Variants in PDE11A observed in about 807,000 individuals in gnomAD.
PDE11A encodes dual 3',5'-cyclic-AMP and -GMP phosphodiesterase 11A.
In PDE11A, 100 loss-of-function variants were observed where a neutral mutation model predicts 100.5. The ratio of observed to expected loss-of-function variants is 1.00; its 90% CI spans 0.85 to 1.18. PDE11A has a LOEUF of 1.18. Ranked by LOEUF, PDE11A falls within the 50% of genes most tolerant of loss-of-function variation. The pLI is 0.00. For missense variants in PDE11A, 1,141 were observed against 1,152.6 expected, an observed-to-expected ratio of 0.99 and a Z score of 0.15; for synonymous variants, 381 against 420.8, an observed-to-expected ratio of 0.91 and a Z score of 1.16.
intron 2 of PDE11A, among the ~76,000 whole-genome samples, chr2:178,098,930 A>G (rs1035946109): frequency 2.0e-5 from 3 of 152,214 alleles, no homozygotes; most frequent in African/African-American, 7.2e-5. Context: ...CGATTTCTTT[A>G]AAGGCCCAAG....
At chr2:178,106,738 T>C (rs568318361) in intron 1 of PDE11A, among the ~76,000 whole-genome samples, 7 of 152,004 alleles carry the variant, frequency 4.6e-5, no homozygotes, top group Non-Finnish European at 1.0e-4. Context: ...GGTGGTTGGA[T>C]CACCTGAGGT....
At chr2:177,849,157 G>A (rs916906630) in intron 5 of PDE11A, among the ~76,000 whole-genome samples, 2 of 152,166 alleles carry the variant, frequency 1.3e-5, no homozygotes, top group East Asian at 1.9e-4. Context: ...GTTGAAAGAA[G>A]CTGGCACATG....
chr2:178,019,137 T>A (rs1305550060), intron 1 of PDE11A, among the ~76,000 whole-genome samples: 2 of 152,212 alleles, frequency 1.3e-5, no homozygotes, highest in Non-Finnish European at 2.9e-5. Flanking sequence ...AATATTTAAT[T>A]TTTGAAAATT....
chr2:178,024,286 C>T (rs1281438569), intron 1 of PDE11A, among the ~76,000 whole-genome samples: 2 of 152,110 alleles, frequency 1.3e-5, no homozygotes, highest in Admixed American at 6.5e-5. Context: ...GTGGTGCACA[C>T]CTGTAATCCC....
chr2:178,043,378 C>A (rs1559052260), intron 1 of PDE11A, among the ~76,000 whole-genome samples: 3 of 152,116 alleles, frequency 2.0e-5, no homozygotes, highest in Admixed American at 2.0e-4. Flanking sequence ...AAAGACAGAT[C>A]AAGGTTCTTC....
chr2:178,064,041 A>T (rs1290122660), intron 1 of PDE11A, among the ~76,000 whole-genome samples: 3 of 152,166 alleles, frequency 2.0e-5, no homozygotes, highest in Non-Finnish European at 4.4e-5. Context: ...CCATTATCTC[A>T]TTGCCATCTA....
intron 19 of PDE11A, among the ~76,000 whole-genome samples, chr2:177,652,425 C>T (rs1444941560): frequency 1.3e-5 from 2 of 152,042 alleles, no homozygotes; most frequent in African/African-American, 4.8e-5. Flanking sequence ...GAACATTTAG[C>T]TTATGGCAAG....
At chr2:177,720,602 G>A (rs969768911) in intron 12 of PDE11A, among the ~76,000 whole-genome samples, 2 of 152,136 alleles carry the variant, frequency 1.3e-5, no homozygotes, top group African/African-American at 4.8e-5. Context: ...AGCTGATAGG[G>A]AATCACCATC....
Position 177,703,904 on chromosome 2 carries a change from A to G in PDE11A, c.2154-2693T>C, listed in dbSNP as rs1306741104. Among the ~76,000 whole-genome samples the G allele has an allele frequency of 3.9e-5, 6 of 152,230 alleles. No individual in the cohort carries two copies. The South Asian group carries it at 6.2e-4, about 16-fold the overall frequency. ...ATATGTCTCCGATCTGGTGTGTTCT[A>G]TCTCCCAGTATTTGTGCAAAGGCAG... On this transcript the variant is annotated intron_variant, in intron 13 of 19. Transcript: ENST00000286063.
intron 9 of PDE11A, among the ~76,000 whole-genome samples, chr2:177,783,984 A>C (rs2082493244): frequency 6.6e-6 from 1 of 152,116 alleles, no homozygotes; most frequent in Non-Finnish European, 1.5e-5. Context: ...CCACTGCAGG[A>C]AGGACTGAGT....
intron 9 of PDE11A, among the ~76,000 whole-genome samples, chr2:177,785,047 TG>T (rs1221366569): frequency 1.3e-5 from 2 of 152,150 alleles, no homozygotes; most frequent in South Asian, 4.1e-4. Context: ...GTGCCAACAA[TG>T]GGGGGCCAGT....
intron 1 of PDE11A, among the ~76,000 whole-genome samples, chr2:178,030,692 A>G (rs990632879): frequency 1.3e-5 from 2 of 152,136 alleles, no homozygotes; most frequent in African/African-American, 4.8e-5. Flanking sequence ...AGTGGGCAAC[A>G]TTGTGGAACA....
intron 3 of PDE11A, among the ~76,000 whole-genome samples, chr2:177,900,576 T>C (rs2084679909): frequency 6.6e-6 from 1 of 152,116 alleles, no homozygotes; most frequent in East Asian, 1.9e-4. Flanking sequence ...GGCAACATGG[T>C]GAAACCCTGT....
chr2:177,816,741 A>T, intron 9 of PDE11A, 88 bp downstream of exon 9: 1 of 791,764 alleles, frequency 1.3e-6, no homozygotes, highest in Non-Finnish European at 2.3e-6. Context: ...TTAAAATTTG[A>T]GAAATTAAGC....
At chr2:177,850,645 G>A (rs1200149871) in intron 5 of PDE11A, among the ~76,000 whole-genome samples, 8 of 152,072 alleles carry the variant, frequency 5.3e-5, no homozygotes, top group African/African-American at 1.9e-4. Context: ...ATCTGACAAA[G>A]GGCTAATATC....
chr2:177,848,231 G>A (rs1318784219), intron 5 of PDE11A, among the ~76,000 whole-genome samples: 3 of 152,006 alleles, frequency 2.0e-5, no homozygotes, highest in Non-Finnish European at 4.4e-5. Flanking sequence ...GATCCCTACA[G>A]TGGGGATATT....
In PDE11A at chr2:177,816,908, A is replaced by G. The variant is rs764684230; in HGVS notation, c.1658T>C (p.Phe553Ser). The change falls in exon 9 of 20, where the codon TTT becomes TCT. Residue 553 changes from phenylalanine (F) to serine (S), a missense_variant. Physicochemically the swap from Phe to Ser is radical, Grantham distance 155. Transcript: ENST00000286063. ...DQRLFEAFVIFCGLGINNTIM... is the reference protein window; with the variant it reads ...DQRLFEAFVISCGLGINNTIM... ...TGTGTTGTTGATGCCAAGTCCACAA[A>G]AGATGACAAAAGCCTAGGAAAGAGC... 19 of 1,604,758 alleles carry G rather than the reference A, an allele frequency of 1.2e-5. No homozygotes were observed.
At chr2:178,096,954 G>GC (rs1042291123) in intron 2 of PDE11A, among the ~76,000 whole-genome samples, 160 of 152,022 alleles carry the variant, frequency 1.1e-3, no homozygotes, top group African/African-American at 3.8e-3. Flanking sequence ...TGGTGCAATC[G>GC]CAACTCATTG....
intron 13 of PDE11A, among the ~76,000 whole-genome samples, chr2:177,708,035 G>C (rs930276520): frequency 2.0e-5 from 3 of 152,182 alleles, no homozygotes; most frequent in Non-Finnish European, 4.4e-5. Flanking sequence ...CTGGGGGAGA[G>C]AGGAATCCTA....
Sources: allele counts gnomAD v4.1 joint callset (sites outside exome capture counted in the v4.1 genomes callset), GRCh38; gene constraint gnomAD v4.1.1; transcripts MANE v1.5; gene names NCBI Gene and HGNC (gene_info 2026-07-23, HGNC 2026-07-21).